The following UXS1 variants were observed in gnomAD, a reference collection of about 807,000 sequenced individuals.
The protein encoded by UXS1 is UDP-glucuronate decarboxylase 1, also known as UDP-glucuronic acid decarboxylase 1.
In UXS1, 33 loss-of-function variants were observed where a neutral mutation model predicts 62.6. That is an observed-to-expected ratio of 0.53 (90% CI 0.40 to 0.70). UXS1 has a LOEUF of 0.70. Ranked by LOEUF, UXS1 falls within the 30% of genes least tolerant of loss-of-function variation. UXS1 has a pLI of 0.00. For missense variants in UXS1, 434 were observed against 556.3 expected (o/e 0.78, Z 2.21); for synonymous variants, 213 against 206.8 (o/e 1.03, Z -0.26).
intron 2 of UXS1, among the ~76,000 whole-genome samples, 171 bp downstream of exon 2, chr2:106,165,885 T>TA (rs1683181649): frequency 6.6e-6 from 1 of 152,208 alleles, no homozygotes; most frequent in Non-Finnish European, 1.5e-5. Context: ...GCTGCATTCC[T>TA]TGAGAATACC....
At chr2:106,184,486 G>A (rs1180980962) in intron 1 of UXS1, among the ~76,000 whole-genome samples, 3 of 152,224 alleles carry the variant, frequency 2.0e-5, no homozygotes, top group Non-Finnish European at 2.9e-5. Flanking sequence ...ATACTACACA[G>A]TGGGTGGCTA....
At chr2:106,177,066 A>C (rs4241223) in intron 1 of UXS1, among the ~76,000 whole-genome samples, 2 of 152,202 alleles carry the variant, frequency 1.3e-5, no homozygotes, top group Non-Finnish European at 2.9e-5. Flanking sequence ...TTTGTAGATG[A>C]TATCTGCACC....
chr2:106,143,433 AAAAAAG>A (rs1282665072), intron 6 of UXS1, among the ~76,000 whole-genome samples: 89 of 125,808 alleles, frequency 7.1e-4, no homozygotes, highest in African/African-American at 1.1e-3. Context: ...AAAAAAAAAA[AAAAAAG>A]GTATAATTTG....
intron 11 of UXS1, among the ~76,000 whole-genome samples, chr2:106,104,190 A>G (rs1677851298): frequency 6.6e-6 from 1 of 152,232 alleles, no homozygotes; most frequent in South Asian, 2.1e-4. Flanking sequence ...GGCATACACA[A>G]CTGCTTCTAT....
chr2:106,144,517 G>T (rs1172271406), intron 6 of UXS1, among the ~76,000 whole-genome samples: 1 of 152,140 alleles, frequency 6.6e-6, no homozygotes, highest in African/African-American at 2.4e-5. Context: ...CTATTACAAA[G>T]AACTCATACT....
At chr2:106,187,379 C>T (rs1168671790) in intron 1 of UXS1, among the ~76,000 whole-genome samples, 2 of 152,140 alleles carry the variant, frequency 1.3e-5, no homozygotes, top group African/African-American at 4.8e-5. Flanking sequence ...CCCCAGGGTC[C>T]TCTGGCGTCA....
chr2:106,150,094 A>G (rs1681890193), intron 5 of UXS1, among the ~76,000 whole-genome samples: 1 of 152,234 alleles, frequency 6.6e-6, no homozygotes, highest in Admixed American at 6.5e-5. Flanking sequence ...AAAATTTACA[A>G]GCCATGAGCT....
At chr2:106,097,673 T>G in intron 13 of UXS1, 1 of 196,970 alleles carries the variant, frequency 5.1e-6, no homozygotes, top group Non-Finnish European at 1.1e-5. Context: ...CATGAGAGTC[T>G]GAATTTCTAA....
At chr2:106,193,755 C>G (rs936019638) in intron 1 of UXS1, among the ~76,000 whole-genome samples, 9 of 151,458 alleles carry the variant, frequency 5.9e-5, no homozygotes, top group African/African-American at 2.2e-4. Flanking sequence ...GCGGCGCGAC[C>G]TCGGCTGTCC....
chr2:106,118,549 G>C (rs566623746), intron 9 of UXS1, among the ~76,000 whole-genome samples: 16 of 152,284 alleles, frequency 1.1e-4, no homozygotes, highest in African/African-American at 3.6e-4. Context: ...CACAGAGGCG[G>C]CAATTTAATT....
chr2:106,189,601 G>A (rs879560898), intron 1 of UXS1, among the ~76,000 whole-genome samples: 2 of 152,200 alleles, frequency 1.3e-5, no homozygotes, highest in African/African-American at 4.8e-5. Context: ...CTCAGGGAGT[G>A]AGGAAGGGAG....
In UXS1 at chr2:106,189,850, G is replaced by A. The variant is rs1331851180; in HGVS notation, c.94+4298C>T. Among the ~76,000 whole-genome samples, 3 of 152,192 alleles carry A rather than the reference G, an allele frequency of 2.0e-5. 1 individual carries two copies. The highest frequency in any genetic ancestry group is 2.0e-4 in the Admixed American group (3 of 15,282). On this transcript the variant is annotated intron_variant, in intron 1 of 14. Coordinates refer to ENST00000283148, the MANE Select transcript of UXS1 (RefSeq NM_001253875.2). Reference sequence around the variant, plus strand: ...CATGAAGGCAGAAAATATACTTATGGGTAAAGTCTCAGAATTCACTTCCCA... The same window carrying A: ...CATGAAGGCAGAAAATATACTTATGAGTAAAGTCTCAGAATTCACTTCCCA...
chr2:106,141,806 C>T (rs530320675), intron 6 of UXS1, among the ~76,000 whole-genome samples: 1 of 150,710 alleles, frequency 6.6e-6, no homozygotes, highest in Admixed American at 6.6e-5. Context: ...ACCTATTAAG[C>T]ATGTTTTTAA....
At chr2:106,168,912 A>G (rs976627376) in intron 1 of UXS1, among the ~76,000 whole-genome samples, 3 of 152,174 alleles carry the variant, frequency 2.0e-5, no homozygotes, top group African/African-American at 7.2e-5. Flanking sequence ...TGAAATTTCC[A>G]AAATACTGAG....
intron 5 of UXS1, among the ~76,000 whole-genome samples, chr2:106,157,663 C>T (rs544529715): frequency 2.6e-5 from 4 of 152,260 alleles, no homozygotes; most frequent in African/African-American, 9.6e-5. Context: ...TGTGGTACAC[C>T]CATACAATGG....
intron 9 of UXS1, among the ~76,000 whole-genome samples, chr2:106,117,485 A>G (rs1220153876): frequency 6.6e-6 from 1 of 152,150 alleles, no homozygotes; most frequent in Non-Finnish European, 1.5e-5. Flanking sequence ...GAACCTGCTG[A>G]TGGTGTTAAG....
At chr2:106,183,276 G>A (rs1281250320) in intron 1 of UXS1, 2 of 147,440 alleles carry the variant, frequency 1.4e-5, no homozygotes, top group African/African-American at 5.0e-5. Context: ...GTCACCCCCA[G>A]TATATATGTC....
chr2:106,186,646 C>A (rs570641745), intron 1 of UXS1, among the ~76,000 whole-genome samples: 5 of 151,830 alleles, frequency 3.3e-5, no homozygotes, highest in African/African-American at 1.2e-4. Context: ...AGATTTTAAA[C>A]TAAACAAAAA....
chr2:106,167,347 C>T lies in UXS1; in HGVS notation c.95-1264G>A, dbSNP rs193194860. Among the ~76,000 whole-genome samples the T allele has an allele frequency of 3.9e-3, 592 of 152,236 alleles. 3 individuals are homozygous for T. The highest frequency in any genetic ancestry group is 5.4e-3 in the Non-Finnish European group (364 of 68,004). On this transcript the variant is annotated intron_variant, in intron 1 of 14. Coordinates refer to ENST00000283148, the MANE Select transcript of UXS1 (RefSeq NM_001253875.2). ...GGTGCTTCCAGGTGCCGAGGAAGAA[C>T]AGAGAGATTAAACACAAACGTCCTC...
Sources: gnomAD v4.1 joint callset for allele counts (sites outside exome capture counted in the v4.1 genomes callset) on GRCh38, gnomAD v4.1.1 for gene constraint, MANE v1.5 for transcripts, NCBI Gene and HGNC (gene_info 2026-07-23, HGNC 2026-07-21) for gene names.